The following CLDN10 variants were observed in gnomAD, a reference collection of about 807,000 sequenced individuals.
CLDN10 encodes claudin 10, also known as claudin-10.
CLDN10 carries 15 observed loss-of-function variants against 22.9 expected under a neutral mutation model. That is an observed-to-expected ratio of 0.65 (90% CI 0.44 to 1.01). CLDN10 has a LOEUF of 1.01. Ranked by LOEUF, CLDN10 falls within the 50% of genes least tolerant of loss-of-function variation. The pLI is 0.00. For missense variants in CLDN10, 247 were observed against 287.8 expected, an observed-to-expected ratio of 0.86 and a Z score of 1.03; for synonymous variants, 114 against 111.4, an observed-to-expected ratio of 1.02 and a Z score of -0.15.
chr13:95,556,338 C>T (rs1232742257), intron 1 of CLDN10, among the ~76,000 whole-genome samples: 2 of 152,172 alleles, frequency 1.3e-5, no homozygotes, highest in African/African-American at 4.8e-5. Context: ...GAGCCATGCG[C>T]CCAGCCCTAA....
At chr13:95,510,190 T>C (rs1318113972) in intron 1 of CLDN10, among the ~76,000 whole-genome samples, 1 of 152,224 alleles carries the variant, frequency 6.6e-6, no homozygotes, top group Non-Finnish European at 1.5e-5. Flanking sequence ...CCTGGAATGA[T>C]AGCGAGAGTC....
chr13:95,457,646 G>A (rs1309338433), intron 1 of CLDN10, among the ~76,000 whole-genome samples: 1 of 152,060 alleles, frequency 6.6e-6, no homozygotes, highest in Non-Finnish European at 1.5e-5. Flanking sequence ...ATTATTTTCT[G>A]ACCCTCAGTT....
chr13:95,454,009 C>T (rs2042458726), intron 1 of CLDN10, among the ~76,000 whole-genome samples: 1 of 152,188 alleles, frequency 6.6e-6, no homozygotes, highest in African/African-American at 2.4e-5. Flanking sequence ...CTCCAAGGGT[C>T]CCAAGCGTGG....
chr13:95,442,718 T>C (rs962140624), intron 1 of CLDN10, among the ~76,000 whole-genome samples: 5 of 152,140 alleles, frequency 3.3e-5, no homozygotes, highest in Admixed American at 1.3e-4. Context: ...GGGAAAAACT[T>C]TGGGACAGAC....
chr13:95,566,798 A>G (rs1279107948), intron 3 of CLDN10, among the ~76,000 whole-genome samples: 1 of 152,108 alleles, frequency 6.6e-6, no homozygotes, highest in Non-Finnish European at 1.5e-5. Flanking sequence ...TAATTTTTGT[A>G]TAAGGTGTAA....
intron 1 of CLDN10, among the ~76,000 whole-genome samples, chr13:95,448,923 C>T (rs188237310): frequency 1.3e-5 from 2 of 151,380 alleles, no homozygotes; most frequent in East Asian, 3.9e-4. Flanking sequence ...ATTTTTACTA[C>T]AGATGGGGTT....
intron 1 of CLDN10, among the ~76,000 whole-genome samples, chr13:95,478,000 T>G (rs1490873433): frequency 6.6e-6 from 1 of 152,182 alleles, no homozygotes; most frequent in Non-Finnish European, 1.5e-5. Flanking sequence ...TGGAATCACC[T>G]GTTGTGTTTT....
upstream of CLDN10, among the ~76,000 whole-genome samples, chr13:95,548,610 G>C (rs146443890): frequency 1.3e-3 from 197 of 152,248 alleles, 1 homozygote; most frequent in Non-Finnish European, 2.2e-3. Flanking sequence ...CATTGGATTT[G>C]CATAAGCATT....
At chr13:95,468,377 A>C (rs1287325056) in intron 1 of CLDN10, among the ~76,000 whole-genome samples, 1 of 152,216 alleles carries the variant, frequency 6.6e-6, no homozygotes, top group African/African-American at 2.4e-5. Flanking sequence ...CCTGATGTTG[A>C]ATCGACCATT....
chr13:95,440,748 A>G (rs2042316684), intron 1 of CLDN10, among the ~76,000 whole-genome samples: 1 of 152,222 alleles, frequency 6.6e-6, no homozygotes, highest in Non-Finnish European at 1.5e-5. Flanking sequence ...AGGTAGGTGA[A>G]TTGGACTTTC....
intron 1 of CLDN10, among the ~76,000 whole-genome samples, chr13:95,504,497 A>G (rs545718763): frequency 2.7e-4 from 41 of 152,210 alleles, no homozygotes; most frequent in African/African-American, 9.9e-4. Context: ...CTCCTGCCTC[A>G]GCCTCCTGAG....
At chr13:95,545,603 G>C (rs1344585236) in intron 1 of CLDN10, among the ~76,000 whole-genome samples, 1 of 151,972 alleles carries the variant, frequency 6.6e-6, no homozygotes. Context: ...AATTGAATTA[G>C]GTAACTTTTT....
At chr13:95,541,231 T>G (rs2043457123) in intron 1 of CLDN10, among the ~76,000 whole-genome samples, 1 of 152,234 alleles carries the variant, frequency 6.6e-6, no homozygotes, top group South Asian at 2.1e-4. Context: ...TAACACTTGT[T>G]GGAGGCAGGG....
chr13:95,500,839 A>G (rs894807064), intron 1 of CLDN10, among the ~76,000 whole-genome samples: 1 of 152,126 alleles, frequency 6.6e-6, no homozygotes, highest in African/African-American at 2.4e-5. Flanking sequence ...TCGTTTTAAA[A>G]ATAAACTTGT....
chr13:95,573,916 TG>T (rs1186596647), intron 3 of CLDN10, among the ~76,000 whole-genome samples: 1 of 143,568 alleles, frequency 7.0e-6, no homozygotes, highest in African/African-American at 2.6e-5. Flanking sequence ...TTCCCCACCC[TG>T]TGTCCAAGTG....
chr13:95,535,015 GT>G (rs1191028333), intron 1 of CLDN10, among the ~76,000 whole-genome samples: 1 of 151,970 alleles, frequency 6.6e-6, no homozygotes, highest in East Asian at 1.9e-4. Context: ...GGAGGAAAGA[GT>G]TTTTTTAAAA....
At chr13:95,451,889 A>G (rs1003795160) in intron 1 of CLDN10, among the ~76,000 whole-genome samples, 43 of 152,342 alleles carry the variant, frequency 2.8e-4, no homozygotes, top group Admixed American at 8.5e-4. Flanking sequence ...TGGAATGGTT[A>G]TCAGCCCAAC....
intron 3 of CLDN10, among the ~76,000 whole-genome samples, chr13:95,575,194 C>A (rs1165948324): frequency 6.6e-6 from 1 of 152,108 alleles, no homozygotes; most frequent in Admixed American, 6.6e-5. Context: ...GATAGCCTAA[C>A]CTGTACTGGG....
At chr13:95,518,866 T>C (rs1012399302) in intron 1 of CLDN10, among the ~76,000 whole-genome samples, 12 of 152,234 alleles carry the variant, frequency 7.9e-5, no homozygotes, top group African/African-American at 2.9e-4. Context: ...GGTAACTCAA[T>C]GATGTGATCA....
Sources: allele counts gnomAD v4.1 joint callset (sites outside exome capture counted in the v4.1 genomes callset), GRCh38; gene constraint gnomAD v4.1.1; transcripts MANE v1.5; gene names NCBI Gene and HGNC (gene_info 2026-07-23, HGNC 2026-07-21).